The following TRIM61 variants were observed in gnomAD, a reference collection of about 807,000 sequenced individuals.
TRIM61 encodes the protein putative tripartite motif-containing protein 61.
TRIM61 carries 1 observed loss-of-function variant against 14.2 expected under a neutral mutation model. The observed-to-expected ratio is 0.07, with a 90% CI of 0.03 to 0.33. The LOEUF (loss-of-function observed/expected upper bound fraction) is 0.33, where lower values mean the gene tolerates loss of function less well. Ranked by LOEUF, TRIM61 falls within the 10% of genes least tolerant of loss-of-function variation. TRIM61 has a pLI of 0.99. For missense variants in TRIM61, 19 were observed against 202.2 expected (o/e 0.09, Z 5.49); for synonymous variants, 8 against 71.6 (o/e 0.11, Z 4.49).
chr4:164,958,454 T>G (rs1732063067), intron 3 of TRIM61: 1 of 167,036 alleles, frequency 6.0e-6, no homozygotes, highest in African/African-American at 2.4e-5. Context: ...TCTTATAACC[T>G]GTACAGTAAT....
At position 164,956,950 on chromosome 4, in the gene TRIM61, T is replaced by G. The variant is rs909170598; in HGVS notation, c.526-1854A>C. ...GGTGCGGCCGGCACCGTCTCTGGGC[T>G]TCGACTTCCGGGTGAGACCGTGAAG... On this transcript the variant is annotated intron_variant, in intron 3 of 4. Coordinates refer to ENST00000329314, the MANE Select transcript of TRIM61 (RefSeq NM_001012414.3). 73 of 1,396,590 alleles carry G rather than the reference T, an allele frequency of 5.2e-5. 1 individual carries two copies. Among genetic ancestry groups the G allele is most frequent in the Non-Finnish European group, 2.8e-6 (3 of 1,056,760 alleles). The allele number at this position is 1,396,590 out of a possible 1,614,324, so 86.5% of individuals were successfully genotyped here.
Position 164,968,277 on chromosome 4 carries a change from G to GC in TRIM61, c.525+1200_525+1201insG. 2.2e-6 allele frequency: 1 copy of GC among 460,392 alleles called. No homozygotes were observed. Among genetic ancestry groups the GC allele is most frequent in the African/African-American group, 3.5e-5 (1 of 28,804 alleles). The allele number at this position is 460,392 out of a possible 1,614,324, so 28.5% of individuals were successfully genotyped here. A position where few individuals can be genotyped will look rare whatever the true frequency, so the allele number is the denominator to read the frequency against. On this transcript the variant is annotated intron_variant, in intron 3 of 4. Coordinates refer to ENST00000329314, the MANE Select transcript of TRIM61 (RefSeq NM_001012414.3). ...TCTTTCTTAAAGGAAAAGTATATAA[G>GC]AAATACAGAAAAAAATTACTGGGCT...
intron 3 of TRIM61, among the ~76,000 whole-genome samples, chr4:164,964,600 T>C (rs560517250): frequency 3.0e-4 from 46 of 152,276 alleles, no homozygotes; most frequent in African/African-American, 1.1e-3. Context: ...ACTATCTCAG[T>C]GCCTTAGTTT....
intron 3 of TRIM61, chr4:164,957,658 C>G: frequency 1.1e-6 from 1 of 870,426 alleles, no homozygotes; most frequent in Non-Finnish European, 1.7e-6. Flanking sequence ...AGATTAAACT[C>G]TGATTTTGAG....
chr4:164,955,436 G>A (rs776464222), intron 3 of TRIM61, among the ~76,000 whole-genome samples: 15 of 151,894 alleles, frequency 9.9e-5, no homozygotes, highest in Admixed American at 2.0e-4. Flanking sequence ...GAGCTCAATG[G>A]CTCAAGACTG....
chr4:164,959,498 G>A (rs532434358), intron 3 of TRIM61, among the ~76,000 whole-genome samples: 188 of 152,144 alleles, frequency 1.2e-3, no homozygotes, highest in Non-Finnish European at 2.1e-3. Flanking sequence ...TCCTTGTGCT[G>A]TGAGATGTGG....
chr4:164,957,020 T>G (rs757914171), intron 3 of TRIM61: 2 of 1,498,694 alleles, frequency 1.3e-6, no homozygotes, highest in Admixed American at 2.3e-5. Context: ...TGTACCACAG[T>G]GGATGGAAGG....
chr4:164,956,760 T>G (rs181078812), intron 3 of TRIM61, among the ~76,000 whole-genome samples: 391 of 151,686 alleles, frequency 2.6e-3, no homozygotes, highest in African/African-American at 8.6e-3. Context: ...ACAGGTAGGG[T>G]TGGGTGGCAG....
intron 2 of TRIM61, among the ~76,000 whole-genome samples, chr4:164,975,353 T>A (rs903915013): frequency 1.3e-5 from 2 of 152,018 alleles, no homozygotes; most frequent in Non-Finnish European, 2.9e-5. Flanking sequence ...AAAAAAGGAC[T>A]CTAGCACAGT....
intron 3 of TRIM61, among the ~76,000 whole-genome samples, chr4:164,963,058 T>A (rs533667366): frequency 2.9e-4 from 44 of 152,182 alleles, no homozygotes; most frequent in African/African-American, 8.2e-4. Flanking sequence ...ATAGAAAAAA[T>A]TAAAATGTAA....
chr4:164,960,049 T>G (rs968283409), intron 3 of TRIM61, among the ~76,000 whole-genome samples: 3 of 152,116 alleles, frequency 2.0e-5, no homozygotes, highest in Non-Finnish European at 4.4e-5. Context: ...CACAAAGATA[T>G]GCACAGAGGA....
Position 164,954,554 on chromosome 4 carries a change from T to C in TRIM61, c.*231A>G, listed in dbSNP as rs1432030498. ...TATATATTGATTATAATTCAATATG[T>C]TCTTGTATTAATTAGCATATTTATA... On this transcript the variant is annotated 3_prime_UTR_variant, in exon 5 of 5. Coordinates refer to ENST00000329314, the MANE Select transcript of TRIM61 (RefSeq NM_001012414.3). 1.3e-5 allele frequency: 2 copies of C among 152,240 alleles called. No individual in the cohort carries two copies. The highest frequency in any genetic ancestry group is 2.9e-5 in the Non-Finnish European group (2 of 68,042). 9.4% of individuals were successfully genotyped at this position (152,240 alleles called of 1,614,324 possible). A position where few individuals can be genotyped will look rare whatever the true frequency, so the allele number is the denominator to read the frequency against.
chr4:164,975,907 T>A (rs1004437535), intron 2 of TRIM61, among the ~76,000 whole-genome samples: 3 of 152,334 alleles, frequency 2.0e-5, no homozygotes, highest in Non-Finnish European at 2.9e-5. Context: ...CTGAATGTCT[T>A]GGTATAAAAC....
intron 3 of TRIM61, chr4:164,957,687 G>A: frequency 8.7e-6 from 6 of 690,018 alleles, no homozygotes; most frequent in Non-Finnish European, 1.4e-5. Context: ...GCTTTATTCG[G>A]AAAATGAATA....
rs1039401906 is a variant in TRIM61, at chr4:164,955,106, A to C, written c.526-10T>G. 48 of 201,866 alleles carry C rather than the reference A, an allele frequency of 2.4e-4. No individual in the cohort carries two copies. The highest frequency in any genetic ancestry group is 1.1e-3 in the African/African-American group (47 of 42,112). The allele number at this position is 201,866 out of a possible 1,614,324, so 12.5% of individuals were successfully genotyped here. On this transcript the variant is annotated splice_polypyrimidine_tract_variant and intron_variant, in intron 3 of 4. Coordinates refer to ENST00000329314, the MANE Select transcript of TRIM61 (RefSeq NM_001012414.3). ...CAGAAGGAGACTCCATCTCAAAAAA[A>C]AAAAAAAAAAAAATTATTATGGTAT... is the stretch of plus-strand genomic sequence containing the variant.
At chr4:164,969,170 T>C in intron 3 of TRIM61, 1 of 1,200,150 alleles carries the variant, frequency 8.3e-7, no homozygotes, top group Non-Finnish European at 1.0e-6. Flanking sequence ...TGGAGGCAGA[T>C]GGTAACCATA....
At chr4:164,957,326 A>G (rs1340868416) in intron 3 of TRIM61, 1 of 1,614,102 alleles carries the variant, frequency 6.2e-7, no homozygotes, top group Admixed American at 1.7e-5. Flanking sequence ...TTTTAGTGGC[A>G]GCATTCCGGC....
intron 3 of TRIM61, chr4:164,957,935 G>A (rs186523553): frequency 1.0e-3 from 175 of 170,258 alleles, no homozygotes; most frequent in South Asian, 3.5e-3. Context: ...CTAGACTTCT[G>A]CCACAACATT....
At chr4:164,970,511 T>TAA (rs1732340335) in intron 2 of TRIM61, among the ~76,000 whole-genome samples, 172 bp from the exon 3 acceptor site, 1 of 151,010 alleles carries the variant, frequency 6.6e-6, no homozygotes, top group East Asian at 2.0e-4. Context: ...AAAAAAAAAC[T>TAA]AAAAAATATG....
Sources: allele counts gnomAD v4.1 joint callset (sites outside exome capture counted in the v4.1 genomes callset), GRCh38; gene constraint gnomAD v4.1.1; transcripts MANE v1.5; gene names NCBI Gene and HGNC (gene_info 2026-07-23, HGNC 2026-07-21).